The following SPATA7 variants were observed in gnomAD, a reference collection of about 807,000 sequenced individuals.
SPATA7 encodes the protein spermatogenesis-associated protein 7.
A neutral mutation model predicts 51.8 loss-of-function variants in SPATA7; 43 were observed. That is an observed-to-expected ratio of 0.83 (90% confidence interval 0.65 to 1.07). SPATA7 has a LOEUF of 1.07. Among genes scored for constraint, SPATA7 ranks in the 50% least tolerant of loss-of-function variants. The probability of loss-of-function intolerance (pLI) is 0.00; values close to 1 mark genes in which losing one functional copy is unlikely to be tolerated. For missense variants in SPATA7, 683 were observed against 701.3 expected, an observed-to-expected ratio of 0.97 and a Z score of 0.30; for synonymous variants, 230 against 252.8, an observed-to-expected ratio of 0.91 and a Z score of 0.86.
chr14:88,408,899 A>G (rs1216304544), intron 4 of SPATA7, among the ~76,000 whole-genome samples: 1 of 152,068 alleles, frequency 6.6e-6, no homozygotes, highest in Non-Finnish European at 1.5e-5. Context: ...TGTTTATGTG[A>G]TGAATTATGT....
chr14:88,389,726 A>G (rs1346564681), intron 1 of SPATA7, among the ~76,000 whole-genome samples: 2 of 152,146 alleles, frequency 1.3e-5, no homozygotes, highest in African/African-American at 2.4e-5. Context: ...TCACTTACAG[A>G]TGGGTGGGGA....
In SPATA7 at chr14:88,469,771, G is replaced by C; in HGVS notation, c.255-76G>C. On this transcript the variant is annotated intron_variant, in intron 4 of 4. Coordinates refer to the SPATA7 transcript ENST00000556406. The surrounding 1 kb of genome is among the most constrained non-coding windows in gnomAD (Gnocchi z 4.3). The stretch of plus-strand genomic sequence containing the variant: ...AGCATGGTTAAATGACTCGAGATCC[G>C]GCAATGGATGCCTTTCTCACATAGA... 6.2e-7 allele frequency: 1 copy of C among 1,606,508 alleles called. No homozygotes were observed. Among genetic ancestry groups the C allele is most frequent in the African/African-American group, 1.3e-5 (1 of 74,828 alleles).
At chr14:88,442,177 T>TGTTG (rs773638828), downstream of SPATA7, among the ~76,000 whole-genome samples, 23 of 150,168 alleles carry the variant, frequency 1.5e-4, no homozygotes, top group Admixed American at 2.7e-4. Flanking sequence ...TATGCCTGTT[T>TGTTG]GTTTGTTTGT....
intron 4 of SPATA7, among the ~76,000 whole-genome samples, chr14:88,463,000 A>G (rs1469740161): frequency 6.6e-6 from 1 of 152,228 alleles, no homozygotes; most frequent in Non-Finnish European, 1.5e-5. Context: ...TTGAAAATTA[A>G]GTATTTTTTA....
At chr14:88,441,481 C>T (rs913631518), downstream of SPATA7, among the ~76,000 whole-genome samples, 1 of 152,100 alleles carries the variant, frequency 6.6e-6, no homozygotes, top group African/African-American at 2.4e-5. Flanking sequence ...TAAAAGTGTT[C>T]CCTGTTCACC....
In SPATA7 at chr14:88,468,381, A is replaced by G. The variant is rs58729158; in HGVS notation, c.255-1466A>G. 11,598 of 1,011,578 alleles carry G rather than the reference A, an allele frequency of 0.011. 746 individuals carry two copies. The African/African-American group carries it at 0.15, about 13-fold the overall frequency. 62.7% of individuals were successfully genotyped at this position (1,011,578 alleles called of 1,614,324 possible). ...TTGGGAGATGGACAGTCTCTTTTCC[A>G]CCTTAGCGTCTTCTAGAAATAAGCC... On this transcript the variant is annotated intron_variant, in intron 4 of 4. Coordinates refer to the SPATA7 transcript ENST00000556406.
intron 5 of SPATA7, among the ~76,000 whole-genome samples, chr14:88,419,764 A>T (rs966435032): frequency 1.3e-5 from 2 of 152,004 alleles, no homozygotes; most frequent in Admixed American, 1.3e-4. Flanking sequence ...TGACCTCGTG[A>T]TCTGCCTGCC....
intron 4 of SPATA7, among the ~76,000 whole-genome samples, chr14:88,463,176 C>G (rs1359484899): frequency 6.6e-6 from 1 of 152,088 alleles, no homozygotes; most frequent in African/African-American, 2.4e-5. Context: ...CTTGGGCCAT[C>G]CCTTACTTCC....
intron 6 of SPATA7, among the ~76,000 whole-genome samples, chr14:88,427,136 C>A (rs17124670): frequency 0.036 from 5,542 of 152,206 alleles, 319 homozygotes; most frequent in African/African-American, 0.12. Flanking sequence ...GCAGATATTC[C>A]GGCCAGTCTT....
chr14:88,446,746 G>T (rs1015231008), intron 3 of SPATA7, among the ~76,000 whole-genome samples: 8 of 152,164 alleles, frequency 5.3e-5, no homozygotes, highest in African/African-American at 1.9e-4. Context: ...TATGTACCCA[G>T]TAGTCATTCA....
chr14:88,393,736 TTTG>T, intron 3 of SPATA7: 1 of 304,654 alleles, frequency 3.3e-6, no homozygotes, highest in Non-Finnish European at 6.1e-6. Flanking sequence ...CTAATAATAT[TTTG>T]TTAGATATTG....
chr14:88,434,687 GAA>G (rs552414869), intron 10 of SPATA7, among the ~76,000 whole-genome samples: 2 of 56,942 alleles, frequency 3.5e-5, no homozygotes, highest in East Asian at 4.4e-4. Context: ...CTCTGTCTCA[GAA>G]AAAAAAAAAA....
intron 1 of SPATA7, among the ~76,000 whole-genome samples, chr14:88,390,420 A>G (rs951570995): frequency 6.6e-6 from 1 of 152,182 alleles, no homozygotes; most frequent in African/African-American, 2.4e-5. Flanking sequence ...TATAAGGTTC[A>G]GGATGGCCAC....
chr14:88,465,712 G>A (rs2077353906), intron 4 of SPATA7: 1 of 152,092 alleles, frequency 6.6e-6, no homozygotes, highest in African/African-American at 2.4e-5. Flanking sequence ...CATTTCAGAG[G>A]CAGTAAACCT....
At chr14:88,435,620 TA>T (rs1167667012) in intron 10 of SPATA7, among the ~76,000 whole-genome samples, 8 of 152,182 alleles carry the variant, frequency 5.3e-5, no homozygotes, top group Non-Finnish European at 5.9e-5. Context: ...TTCTACTCTC[TA>T]TGCCCATGAG....
At chr14:88,432,470 A>G (rs2076967265) in intron 9 of SPATA7, among the ~76,000 whole-genome samples, 1 of 152,176 alleles carries the variant, frequency 6.6e-6, no homozygotes. Context: ...ATAATATCCT[A>G]ATTTTCTTGT....
downstream of SPATA7, among the ~76,000 whole-genome samples, chr14:88,443,144 C>G (rs1317540952): frequency 6.6e-6 from 1 of 152,046 alleles, no homozygotes; most frequent in Non-Finnish European, 1.5e-5. Flanking sequence ...ATGGTTTCAC[C>G]ATGTTGGCCA....
downstream of SPATA7, among the ~76,000 whole-genome samples, chr14:88,440,543 A>G (rs2077171489): frequency 6.6e-6 from 1 of 152,130 alleles, no homozygotes; most frequent in Non-Finnish European, 1.5e-5. Context: ...TTTTATCCCT[A>G]AGACATCTTG....
chr14:88,441,304 A>C (rs368565377), downstream of SPATA7, among the ~76,000 whole-genome samples: 9 of 152,162 alleles, frequency 5.9e-5, no homozygotes, highest in East Asian at 9.6e-4. Flanking sequence ...ACTCCTATAA[A>C]CATGCGTGTG....
Sources: gnomAD v4.1 joint callset for allele counts (sites outside exome capture counted in the v4.1 genomes callset) on GRCh38, gnomAD v4.1.1 for gene constraint, Gnocchi (gnomAD v3.1) non-coding constraint, MANE v1.5 for transcripts, NCBI Gene and HGNC (gene_info 2026-07-23, HGNC 2026-07-21) for gene names.